DGKG: variants seen among roughly 807,000 people sequenced by gnomAD.
DGKG encodes the protein diacylglycerol kinase gamma.
Under a neutral mutation model 105.3 loss-of-function variants are expected in DGKG, and 78 were observed. The ratio of observed to expected loss-of-function variants is 0.74; its 90% CI spans 0.62 to 0.89. DGKG has a LOEUF of 0.89. Among genes scored for constraint, DGKG ranks in the 40% least tolerant of loss-of-function variants. The pLI is 0.00. For missense variants in DGKG, 958 were observed against 1,020.1 expected, an observed-to-expected ratio of 0.94 and a Z score of 0.83; for synonymous variants, 346 against 367.1, an observed-to-expected ratio of 0.94 and a Z score of 0.66.
intron 19 of DGKG, among the ~76,000 whole-genome samples, chr3:186,244,711 T>C (rs531149007): frequency 6.6e-6 from 1 of 152,254 alleles, no homozygotes; most frequent in South Asian, 2.1e-4. Context: ...CTGGCCAATT[T>C]ATTTTTTAGC....
chr3:186,261,116 T>C (rs1377307955), intron 15 of DGKG, among the ~76,000 whole-genome samples: 1 of 152,124 alleles, frequency 6.6e-6, no homozygotes. Context: ...GTCCTCATAG[T>C]TCTTGCTTTA....
At chr3:186,220,539 C>T (rs1025597265) in intron 20 of DGKG, among the ~76,000 whole-genome samples, 2 of 152,208 alleles carry the variant, frequency 1.3e-5, no homozygotes, top group African/African-American at 4.8e-5. Context: ...CAACCGAAGT[C>T]ACCAGAGCTA....
intron 22 of DGKG, among the ~76,000 whole-genome samples, chr3:186,174,877 G>C (rs13098259): frequency 0.14 from 21,304 of 152,094 alleles, 1,668 homozygotes; most frequent in South Asian, 0.22. Context: ...CTACTCTCAG[G>C]GCTCTGTAAA....
intron 5 of DGKG, among the ~76,000 whole-genome samples, chr3:186,292,299 C>T (rs767489729): frequency 7.2e-5 from 11 of 152,104 alleles, no homozygotes; most frequent in South Asian, 2.1e-4. Context: ...GTGATTCCAC[C>T]GCTGAGTTTG....
intron 9 of DGKG, 109 bp downstream of exon 9, chr3:186,279,742 C>T (rs941488429): frequency 1.4e-5 from 18 of 1,325,670 alleles, no homozygotes; most frequent in South Asian, 4.3e-5. Flanking sequence ...GGTCATGGCA[C>T]GTCTGTTGGG....
intron 21 of DGKG, among the ~76,000 whole-genome samples, chr3:186,191,124 C>T (rs543836628): frequency 6.6e-6 from 1 of 152,264 alleles, no homozygotes; most frequent in African/African-American, 2.4e-5. Flanking sequence ...AGATATGTAT[C>T]CAGGTCTCCA....
chr3:186,264,979 G>GTTTTATGTAACTTTAAT (rs1256614508), intron 14 of DGKG, among the ~76,000 whole-genome samples: 1 of 152,172 alleles, frequency 6.6e-6, no homozygotes, highest in Non-Finnish European at 1.5e-5. Flanking sequence ...GCATATTAAA[G>GTTTTATGTAACTTTAAT]TTTTATGTAA....
At chr3:186,283,342 T>C (rs1233426774) in intron 7 of DGKG, among the ~76,000 whole-genome samples, 1 of 152,160 alleles carries the variant, frequency 6.6e-6, no homozygotes, top group Non-Finnish European at 1.5e-5. Flanking sequence ...TTCTGCTCCA[T>C]TCACACTGGC....
chr3:186,187,235 G>A (rs908051935), intron 22 of DGKG, among the ~76,000 whole-genome samples: 1 of 152,252 alleles, frequency 6.6e-6, no homozygotes, highest in Non-Finnish European at 1.5e-5. Flanking sequence ...AACCCAGTGA[G>A]GAAGCTTTGC....
chr3:186,166,372 A>G (rs1488735771), intron 22 of DGKG, among the ~76,000 whole-genome samples: 1 of 152,156 alleles, frequency 6.6e-6, no homozygotes, highest in Non-Finnish European at 1.5e-5. Flanking sequence ...TCCTTTCTTC[A>G]TGTTTGTGAA....
intron 1 of DGKG, among the ~76,000 whole-genome samples, chr3:186,342,217 A>G (rs963821451): frequency 6.6e-6 from 1 of 152,222 alleles, no homozygotes; most frequent in Non-Finnish European, 1.5e-5. Context: ...CTAGACAGCA[A>G]GAGATTGATT....
chr3:186,275,427 T>G (rs1722532739), intron 10 of DGKG, 120 bp downstream of exon 10: 2 of 849,684 alleles, frequency 2.4e-6, no homozygotes, highest in Non-Finnish European at 3.9e-6. Flanking sequence ...GTTGGGACAA[T>G]ATGGGTGGTC....
chr3:186,316,003 T>A (rs1299481375), intron 2 of DGKG, among the ~76,000 whole-genome samples: 1 of 152,220 alleles, frequency 6.6e-6, no homozygotes, highest in Non-Finnish European at 1.5e-5. Flanking sequence ...GTTACCCTGC[T>A]GAAAAGAAAG....
chr3:186,258,683 T>C (rs897875478), intron 16 of DGKG, among the ~76,000 whole-genome samples: 1 of 152,122 alleles, frequency 6.6e-6, no homozygotes. Flanking sequence ...GCCATGCTCA[T>C]CACTGCTTGG....
chr3:186,164,216 T>G (rs952064690), intron 23 of DGKG, among the ~76,000 whole-genome samples: 2 of 152,220 alleles, frequency 1.3e-5, no homozygotes, highest in African/African-American at 4.8e-5. Context: ...CCATAGTAAT[T>G]CAGTGAAAAA....
intron 1 of DGKG, among the ~76,000 whole-genome samples, chr3:186,327,209 C>T (rs959144229): frequency 3.3e-5 from 5 of 152,098 alleles, no homozygotes; most frequent in Non-Finnish European, 5.9e-5. Flanking sequence ...AAGTATCCCT[C>T]ATTCCTCTTA....
chr3:186,338,657 C>CT (rs1725944774), intron 1 of DGKG, among the ~76,000 whole-genome samples: 1 of 152,024 alleles, frequency 6.6e-6, no homozygotes, highest in South Asian at 2.1e-4. Context: ...CTTTTTAATT[C>CT]TTTTTTAAAA....
intron 1 of DGKG, among the ~76,000 whole-genome samples, chr3:186,346,904 A>AT (rs1367745858): frequency 1.3e-5 from 2 of 152,106 alleles, no homozygotes; most frequent in Admixed American, 6.5e-5. Flanking sequence ...TTTGTTGCAG[A>AT]TTGACAGATG....
intron 14 of DGKG, 160 bp from the exon 15 acceptor site, chr3:186,261,938 C>T: frequency 1.8e-6 from 1 of 561,242 alleles, no homozygotes; most frequent in Non-Finnish European, 3.2e-6. Flanking sequence ...GGCTAAGTAG[C>T]TAAGTGTCTC....
Sources: allele counts gnomAD v4.1 joint callset (sites outside exome capture counted in the v4.1 genomes callset), GRCh38; gene constraint gnomAD v4.1.1; transcripts MANE v1.5; gene names NCBI Gene and HGNC (gene_info 2026-07-23, HGNC 2026-07-21).